The following IPO11 variants were observed in gnomAD, a reference collection of about 807,000 sequenced individuals.
IPO11 encodes the protein importin-11.
Under a neutral mutation model 143.2 loss-of-function variants are expected in IPO11, and 66 were observed. The observed-to-expected ratio is 0.46, with a 90% confidence interval of 0.38 to 0.57. IPO11 has a LOEUF of 0.57. IPO11 is among the 20% of genes least tolerant of loss of function. The probability of loss-of-function intolerance (pLI) is 0.00; values close to 1 mark genes in which losing one functional copy is unlikely to be tolerated. For synonymous variants in IPO11, 385 were observed against 377.8 expected, an observed-to-expected ratio of 1.02 and a Z score of -0.22; for missense variants, 1,026 against 1,141.0, an observed-to-expected ratio of 0.90 and a Z score of 1.45.
Position 62,613,728 on chromosome 5 carries a change from G to C in IPO11, c.2763+11880G>C, listed in dbSNP as rs552108240. Reference sequence around the variant, plus strand: ...ATGATTTCCCAAGTCTCGATTATAAGATAGAGCTTCCACCTGGTTCTCTAA... The same window carrying C: ...ATGATTTCCCAAGTCTCGATTATAACATAGAGCTTCCACCTGGTTCTCTAA... On this transcript the variant is annotated intron_variant, in intron 29 of 29. Transcript: ENST00000325324. Among the ~76,000 whole-genome samples, 135 of 152,116 alleles carry C rather than the reference G, an allele frequency of 8.9e-4. 2 individuals carry two copies. Among genetic ancestry groups the C allele is most frequent in the Non-Finnish European group, 9.4e-4 (64 of 68,020 alleles).
chr5:62,538,957 G>A (rs1341216857), intron 24 of IPO11, among the ~76,000 whole-genome samples: 1 of 152,096 alleles, frequency 6.6e-6, no homozygotes, highest in Non-Finnish European at 1.5e-5. Context: ...CTGAGCATGG[G>A]GATTTACATT....
chr5:62,580,937 G>A, intron 27 of IPO11: 2 of 1,551,284 alleles, frequency 1.3e-6, no homozygotes, highest in Non-Finnish European at 1.7e-6. Context: ...GAAAAAAACA[G>A]TGCTCTACCG....
At chr5:62,615,346 T>C (rs1746091946) in intron 29 of IPO11, among the ~76,000 whole-genome samples, 1 of 152,186 alleles carries the variant, frequency 6.6e-6, no homozygotes, top group Non-Finnish European at 1.5e-5. Flanking sequence ...AAGCCACCCA[T>C]GTTTTGTTGG....
intron 14 of IPO11, among the ~76,000 whole-genome samples, chr5:62,489,657 A>C (rs1244304817): frequency 6.6e-6 from 1 of 152,166 alleles, no homozygotes; most frequent in Non-Finnish European, 1.5e-5. Flanking sequence ...TGATGGAAAG[A>C]GGGTGTTGCA....
At chr5:62,508,298 A>ATTTTTTTTTTTTT (rs70981020) in intron 19 of IPO11, among the ~76,000 whole-genome samples, 3 of 127,468 alleles carry the variant, frequency 2.4e-5, no homozygotes, top group African/African-American at 3.0e-5. Flanking sequence ...TGCCTGGCTA[A>ATTTTTTTTTTTTT]TTTTTTTTTT....
chr5:62,445,310 TTAAA>T (rs1744680362), intron 3 of IPO11, among the ~76,000 whole-genome samples: 1 of 152,126 alleles, frequency 6.6e-6, no homozygotes, highest in South Asian at 2.1e-4. Context: ...TCCTAATTAA[TTAAA>T]TACTGTCCAA....
chr5:62,522,871 C>T (rs1232641468), intron 20 of IPO11, among the ~76,000 whole-genome samples: 1 of 152,186 alleles, frequency 6.6e-6, no homozygotes, highest in African/African-American at 2.4e-5. Flanking sequence ...GAGATCTTGG[C>T]ATCAAACTGC....
chr5:62,454,939 G>A (rs1247935650), intron 5 of IPO11, among the ~76,000 whole-genome samples: 1 of 152,174 alleles, frequency 6.6e-6, no homozygotes, highest in Non-Finnish European at 1.5e-5. Context: ...GTCAGAGCTA[G>A]AGATACCTGG....
At chr5:62,615,662 A>G (rs1160436945) in intron 29 of IPO11, among the ~76,000 whole-genome samples, 2 of 152,214 alleles carry the variant, frequency 1.3e-5, no homozygotes, top group Admixed American at 6.5e-5. Context: ...GCAGCATCCA[A>G]TCTGCAAAAT....
At chr5:62,582,891 A>T (rs537010971) in intron 27 of IPO11, among the ~76,000 whole-genome samples, 1 of 152,254 alleles carries the variant, frequency 6.6e-6, no homozygotes, top group Admixed American at 6.5e-5. Flanking sequence ...TGTATTTAAA[A>T]TTTTTTCTTA....
intron 24 of IPO11, among the ~76,000 whole-genome samples, chr5:62,539,046 A>G (rs990301539): frequency 1.3e-5 from 2 of 152,196 alleles, no homozygotes; most frequent in Non-Finnish European, 2.9e-5. Flanking sequence ...GTATTAAATT[A>G]TAGATTGATG....
At chr5:62,560,391 C>G (rs757560641) in intron 26 of IPO11, among the ~76,000 whole-genome samples, 6 of 152,170 alleles carry the variant, frequency 3.9e-5, no homozygotes, top group Non-Finnish European at 8.8e-5. Flanking sequence ...TTTCTTCTTT[C>G]CTGGGCATAC....
chr5:62,426,133 T>C (rs994712777), intron 1 of IPO11, among the ~76,000 whole-genome samples: 10 of 152,192 alleles, frequency 6.6e-5, no homozygotes, highest in Non-Finnish European at 1.2e-4. Flanking sequence ...ACGTCTGTAA[T>C]CCCAGCACTT....
chr5:62,602,179 C>T (rs1745531210), intron 29 of IPO11, among the ~76,000 whole-genome samples: 1 of 152,046 alleles, frequency 6.6e-6, no homozygotes, highest in Admixed American at 6.6e-5. Flanking sequence ...ACTGAAATTT[C>T]CTTGCATTCC....
intron 28 of IPO11, among the ~76,000 whole-genome samples, chr5:62,594,761 G>C (rs958892472): frequency 2.0e-5 from 3 of 152,202 alleles, no homozygotes; most frequent in African/African-American, 7.2e-5. Context: ...AAGCAACTGA[G>C]TCTCTCACCT....
chr5:62,489,649 A>G (rs26643), intron 14 of IPO11, among the ~76,000 whole-genome samples: 150,592 of 152,298 alleles, frequency 0.99, 74,454 homozygotes, highest in Middle Eastern at 1. Flanking sequence ...GGAGGTGGTG[A>G]TGGAAAGAGG....
chr5:62,617,479 T>C (rs1746183513), intron 29 of IPO11, among the ~76,000 whole-genome samples: 1 of 152,206 alleles, frequency 6.6e-6, no homozygotes, highest in South Asian at 2.1e-4. Context: ...GTGGCACTTT[T>C]AGATATCTAG....
intron 27 of IPO11, among the ~76,000 whole-genome samples, chr5:62,589,966 C>G (rs546325181): frequency 2.0e-5 from 3 of 152,288 alleles, no homozygotes; most frequent in Admixed American, 6.5e-5. Flanking sequence ...TGGAAGCCCT[C>G]TGAAAGCAGT....
At chr5:62,447,036 G>T (rs945847012) in intron 3 of IPO11, among the ~76,000 whole-genome samples, 6 of 151,080 alleles carry the variant, frequency 4.0e-5, no homozygotes, top group African/African-American at 1.5e-4. Context: ...ATGAACAGAA[G>T]CCCTTAATTT....
Sources: gnomAD v4.1 joint callset for allele counts (sites outside exome capture counted in the v4.1 genomes callset) on GRCh38, gnomAD v4.1.1 for gene constraint, MANE v1.5 for transcripts, NCBI Gene and HGNC (gene_info 2026-07-23, HGNC 2026-07-21) for gene names.